Variants in ZNF860 observed in about 807,000 individuals in gnomAD.
The protein encoded by ZNF860 is zinc finger protein 860.
For missense variants in ZNF860, 641 were observed against 759.2 expected, an observed-to-expected ratio of 0.84 and a Z score of 1.83; for synonymous variants, 206 against 248.9, an observed-to-expected ratio of 0.83 and a Z score of 1.62.
intron 1 of ZNF860, among the ~76,000 whole-genome samples, chr3:31,987,059 AAT>A (rs1211799646): frequency 5.9e-5 from 9 of 152,174 alleles, no homozygotes; most frequent in South Asian, 4.2e-4. Context: ...ATAATTTATA[AAT>A]ATATATGTGT....
At chr3:32,005,276 G>A in the ZNF860 span, among the ~76,000 whole-genome samples, 1 of 151,998 alleles carries the variant, frequency 6.6e-6, no homozygotes, top group Admixed American at 6.6e-5. Flanking sequence ...TGATGCACAC[G>A]CACATCTAGT....
chr3:31,982,496 C>T (rs1698871146), intron 1 of ZNF860, among the ~76,000 whole-genome samples: 1 of 152,168 alleles, frequency 6.6e-6, no homozygotes, highest in Non-Finnish European at 1.5e-5. Flanking sequence ...CTCAAAGGGA[C>T]AGTTCCCCGA....
chr3:31,990,671 T>G lies in ZNF860; in HGVS notation c.1592T>G (p.Leu531Arg). ...GCAACCCTTGCACGTCATCATAGAC[T>G]TCATACTGGAGAGAAACCTTACAAA... ...QQATLARHHRLHTGEKPYKCE... is the reference protein window; with the variant it reads ...QQATLARHHRRHTGEKPYKCE... Residue 531 changes from leucine to arginine, a missense_variant, in exon 2 of 2, where the codon CTT (leucine) becomes CGT (arginine). Coordinates refer to ENST00000360311, the MANE Select transcript of ZNF860 (RefSeq NM_001137674.3). The G allele has an allele frequency of 6.2e-7, 1 of 1,614,130 alleles. No individual in the cohort carries two copies. The highest frequency in any genetic ancestry group is 8.5e-7 in the Non-Finnish European group (1 of 1,179,996).
chr3:31,992,429 AG>A (rs1166741103), downstream of ZNF860, among the ~76,000 whole-genome samples: 1 of 152,184 alleles, frequency 6.6e-6, no homozygotes, highest in African/African-American at 2.4e-5. Context: ...GGTAAAATCA[AG>A]GTATCAGTAG....
chr3:31,986,385 G>A (rs1405361850), intron 1 of ZNF860: 1 of 152,106 alleles, frequency 6.6e-6, no homozygotes, highest in Non-Finnish European at 1.5e-5. Context: ...CCATCCAGTG[G>A]GAAGAAGAAA....
At chr3:31,998,136 T>C in the ZNF860 span, among the ~76,000 whole-genome samples, 2 of 152,162 alleles carry the variant, frequency 1.3e-5, no homozygotes, top group Admixed American at 1.3e-4. Context: ...ACCCACTTTG[T>C]GGTGCTGTTG....
At chr3:31,999,161 T>G in the ZNF860 span, among the ~76,000 whole-genome samples, 1 of 152,124 alleles carries the variant, frequency 6.6e-6, no homozygotes, top group Non-Finnish European at 1.5e-5. Context: ...TCACTGTAAC[T>G]CCAGACTGCA....
intron 1 of ZNF860, among the ~76,000 whole-genome samples, chr3:31,985,103 G>A (rs1332133987): frequency 6.6e-6 from 1 of 152,150 alleles, no homozygotes; most frequent in Non-Finnish European, 1.5e-5. Flanking sequence ...GCTGGGCGTG[G>A]TCATACACGC....
chr3:31,990,605 C>T lies in ZNF860; in HGVS notation c.1526C>T (p.Pro509Leu), dbSNP rs955701147. The change falls in exon 2 of 2, where the codon CCT becomes CTT. Residue 509 changes from proline to leucine, a missense_variant. Transcript: ENST00000360311. Reference protein sequence around the residue: ...IHKAIHTGEKPYKCNECGKVF... With the variant: ...IHKAIHTGEKLYKCNECGKVF... ...AAGGCAATTCATACTGGAGAGAAAC[C>T]TTACAAGTGTAATGAATGTGGCAAG... 5 of 1,614,088 alleles carry T rather than the reference C, an allele frequency of 3.1e-6. No homozygotes were observed. Among genetic ancestry groups the T allele is most frequent in the Non-Finnish European group, 2.5e-6 (3 of 1,180,002 alleles).
At chr3:31,996,506 AAG>A (rs1699091194), downstream of ZNF860, among the ~76,000 whole-genome samples, 1 of 146,216 alleles carries the variant, frequency 6.8e-6, no homozygotes, top group Non-Finnish European at 1.5e-5. Context: ...CCAGGGGGAG[AAG>A]GGGGTTAGTG....
At chr3:31,993,920 A>T (rs9882456), downstream of ZNF860, among the ~76,000 whole-genome samples, 2,318 of 152,340 alleles carry the variant, frequency 0.015, 66 homozygotes, top group African/African-American at 0.054. Flanking sequence ...TTGTTTGTGA[A>T]TGTTTATTGA....
chr3:31,983,845 A>C (rs1254041425), intron 1 of ZNF860, among the ~76,000 whole-genome samples: 3 of 152,250 alleles, frequency 2.0e-5, no homozygotes, highest in Non-Finnish European at 4.4e-5. Context: ...AAGTTGGCAA[A>C]AAGTATTTGA....
rs762595695 is a variant in ZNF860 at position 31,988,874 on chromosome 3, A to G, written c.-206A>G. 1.9e-5 allele frequency: 12 copies of G among 637,662 alleles called. No homozygotes were observed. The highest frequency in any genetic ancestry group is 1.9e-5 in the Non-Finnish European group (7 of 373,578). The allele number at this position is 637,662 out of a possible 1,614,324, so 39.5% of individuals were successfully genotyped here. On this transcript the variant is annotated 5_prime_UTR_variant, in exon 2 of 2. Transcript: ENST00000360311. The stretch of plus-strand genomic sequence containing the variant: ...CAGCCATGACCCACAGCTTGACTAC[A>G]ACCCAGAGAGACACTGAGCCAGGAA...
At chr3:31,996,445 T>G (rs1288079818), downstream of ZNF860, among the ~76,000 whole-genome samples, 1 of 152,198 alleles carries the variant, frequency 6.6e-6, no homozygotes, top group Non-Finnish European at 1.5e-5. Flanking sequence ...TCTCTGCATC[T>G]AAATATGAGC....
In ZNF860 at chr3:31,989,332, G is replaced by GAC; in HGVS notation, c.257_258dup (p.Gly87GlnfsTer4). 1 of 1,614,212 alleles carries GAC rather than the reference G, an allele frequency of 6.2e-7. No individual in the cohort carries two copies. Among genetic ancestry groups the GAC allele is most frequent in the East Asian group, 2.2e-5 (1 of 44,896 alleles). ...AACAGCGCAAGGCAATACAGAAGTG[G>GAC]ACACAGGGACATTAGAAAGACATGA... On this transcript the variant is annotated frameshift_variant, in exon 2 of 2. Coordinates refer to ENST00000360311, the MANE Select transcript of ZNF860 (RefSeq NM_001137674.3). LOFTEE classifies it low-confidence loss of function (END_TRUNC).
rs530647854 is a variant in ZNF860, at chr3:31,991,329, A to T, written c.*351A>T. 6.5e-4 allele frequency: 145 copies of T among 224,746 alleles called. No individual in the cohort carries two copies. Among genetic ancestry groups the T allele is most frequent in the African/African-American group, 3.2e-3 (140 of 43,228 alleles). 13.9% of individuals were successfully genotyped at this position (224,746 alleles called of 1,614,324 possible). On this transcript the variant is annotated 3_prime_UTR_variant, in exon 2 of 2. Coordinates refer to ENST00000360311, the MANE Select transcript of ZNF860 (RefSeq NM_001137674.3). Reference sequence around the variant, plus strand: ...GGGATTTTTATGGGTATTGTGTTGAATCTAAATCACATTGGGTTATATAAT... The same window carrying T: ...GGGATTTTTATGGGTATTGTGTTGATTCTAAATCACATTGGGTTATATAAT...
At position 31,989,649 on chromosome 3, in the gene ZNF860, A is replaced by T. The variant is rs1299160200; in HGVS notation, c.570A>T (p.Leu190=). ...CTATCAACGATGCTTCCTCAGTTCTAACGTCCCAAAGAATTTCTTCTAGGC... is the reference window on the plus strand; with the variant it reads ...CTATCAACGATGCTTCCTCAGTTCTTACGTCCCAAAGAATTTCTTCTAGGC... ...EKSINDASSV[L]TSQRISSRPK... is the part of the protein sequence containing the mutation. The change falls in exon 2 of 2, where the codon CTA becomes CTT. Residue 190 remains leucine (L), a synonymous_variant. Coordinates refer to ENST00000360311, the MANE Select transcript of ZNF860 (RefSeq NM_001137674.3). The T allele has an allele frequency of 1.2e-6, 2 of 1,614,040 alleles. No individual in the cohort carries two copies. The highest frequency in any genetic ancestry group is 2.7e-5 in the African/African-American group (2 of 74,928).
chr3:31,999,206 G>C, the ZNF860 span, among the ~76,000 whole-genome samples: 2 of 152,136 alleles, frequency 1.3e-5, no homozygotes, highest in Admixed American at 6.5e-5. Context: ...GTGGCATGTA[G>C]CAAAGGTATC....
downstream of ZNF860, among the ~76,000 whole-genome samples, chr3:31,994,968 G>A (rs370480633): frequency 1.6e-4 from 25 of 152,288 alleles, no homozygotes; most frequent in African/African-American, 5.5e-4. Flanking sequence ...ATGCCCACCT[G>A]AGCCGCAAAA....
Sources: allele counts gnomAD v4.1 joint callset (sites outside exome capture counted in the v4.1 genomes callset), GRCh38; gene constraint gnomAD v4.1.1; transcripts MANE v1.5; gene names NCBI Gene and HGNC (gene_info 2026-07-23, HGNC 2026-07-21).